The following ZC3H12B variants were observed in gnomAD, a reference collection of about 807,000 sequenced individuals.
The protein encoded by ZC3H12B is zinc finger CCCH-type containing 12B.
A neutral mutation model predicts 43.9 loss-of-function variants in ZC3H12B; 7 were observed. The ratio of observed to expected loss-of-function variants is 0.16; its 90% confidence interval spans 0.09 to 0.30. ZC3H12B has a LOEUF of 0.30. Among genes scored for constraint, ZC3H12B ranks in the 10% least tolerant of loss-of-function variants. ZC3H12B has a pLI of 1.00. For synonymous variants in ZC3H12B, 222 were observed against 241.7 expected, an observed-to-expected ratio of 0.92 and a Z score of 0.76; for missense variants, 475 against 670.2, an observed-to-expected ratio of 0.71 and a Z score of 3.22.
At chrX:65,334,345 C>T in the ZC3H12B span, among the ~76,000 whole-genome samples, 1 of 112,062 alleles carries the variant, frequency 8.9e-6, no homozygotes, top group Non-Finnish European at 1.9e-5. Context: ...CTTGCTGAAA[C>T]CTTCAGCTTT....
At chrX:65,152,656 C>T in the ZC3H12B span, among the ~76,000 whole-genome samples, 7 of 110,978 alleles carry the variant, frequency 6.3e-5, no homozygotes, top group South Asian at 7.7e-4. Flanking sequence ...ATGGCCATAC[C>T]GCTCAAGGTA....
intron 2 of ZC3H12B, among the ~76,000 whole-genome samples, chrX:65,371,224 G>A (rs2066240432): frequency 9.0e-6 from 1 of 111,691 alleles, no homozygotes; most frequent in African/African-American, 3.2e-5. Flanking sequence ...CTTTATCGGA[G>A]GTAGAATTAG....
At chrX:65,323,811 C>G in the ZC3H12B span, among the ~76,000 whole-genome samples, 3 of 112,195 alleles carry the variant, frequency 2.7e-5, no homozygotes, top group African/African-American at 9.7e-5. Flanking sequence ...CTCCCACCAA[C>G]AGTGTAAAAG....
At chrX:65,222,664 A>G in the ZC3H12B span, among the ~76,000 whole-genome samples, 2 of 107,273 alleles carry the variant, frequency 1.9e-5, no homozygotes, top group African/African-American at 6.7e-5. Context: ...ACACTTAGGA[A>G]ATTACATAAC....
chrX:65,197,183 G>A, the ZC3H12B span, among the ~76,000 whole-genome samples: 1 of 111,798 alleles, frequency 8.9e-6, no homozygotes, highest in African/African-American at 3.3e-5. Flanking sequence ...TACAGCGTCC[G>A]CCCTGGCCGG....
the ZC3H12B span, among the ~76,000 whole-genome samples, chrX:65,168,971 T>A: frequency 9.0e-6 from 1 of 111,427 alleles, no homozygotes; most frequent in Non-Finnish European, 1.9e-5. Context: ...TTTGTTGATC[T>A]TTTCAAAAAA....
chrX:65,221,174 A>G, the ZC3H12B span, among the ~76,000 whole-genome samples: 1 of 111,850 alleles, frequency 8.9e-6, no homozygotes, highest in Non-Finnish European at 1.9e-5. Flanking sequence ...GACACAACCT[A>G]TCAAAACCTC....
At chrX:65,181,608 T>A in the ZC3H12B span, among the ~76,000 whole-genome samples, 1 of 111,735 alleles carries the variant, frequency 8.9e-6, no homozygotes, top group South Asian at 3.7e-4. Flanking sequence ...AACAGACACT[T>A]CTCAAAGGAA....
chrX:65,382,629 AG>A (rs1392990584), intron 2 of ZC3H12B, among the ~76,000 whole-genome samples: 1 of 111,585 alleles, frequency 9.0e-6, no homozygotes, highest in Non-Finnish European at 1.9e-5. Context: ...AAGGAAATAA[AG>A]GGTATTCAAT....
At chrX:65,115,260 T>C in the ZC3H12B span, among the ~76,000 whole-genome samples, 1 of 109,582 alleles carries the variant, frequency 9.1e-6, no homozygotes, top group African/African-American at 3.3e-5. Flanking sequence ...TGCCTTTGCA[T>C]CCTCATAGCT....
chrX:65,115,531 T>G, the ZC3H12B span, among the ~76,000 whole-genome samples: 1 of 111,555 alleles, frequency 9.0e-6, no homozygotes, highest in African/African-American at 3.3e-5. Flanking sequence ...TGCAAGTATC[T>G]TTTTCGTATA....
the ZC3H12B span, among the ~76,000 whole-genome samples, chrX:65,309,468 G>A: frequency 8.9e-6 from 1 of 111,908 alleles, no homozygotes; most frequent in Admixed American, 9.5e-5. Flanking sequence ...TCTCTGAATA[G>A]ACCAATAACA....
At chrX:65,242,158 T>C in the ZC3H12B span, among the ~76,000 whole-genome samples, 6 of 111,021 alleles carry the variant, frequency 5.4e-5, no homozygotes, top group African/African-American at 2.0e-4. Flanking sequence ...CACCCTGCTT[T>C]TTTTCATTCT....
chrX:65,251,956 G>C, the ZC3H12B span, among the ~76,000 whole-genome samples: 8 of 111,761 alleles, frequency 7.2e-5, no homozygotes, highest in Non-Finnish European at 1.1e-4. Context: ...GCCCTGGCCA[G>C]AACTTCCAAC....
At chrX:65,280,736 C>T in the ZC3H12B span, among the ~76,000 whole-genome samples, 1 of 111,116 alleles carries the variant, frequency 9.0e-6, no homozygotes, top group Non-Finnish European at 1.9e-5. Flanking sequence ...TTGCTGTACA[C>T]GAACAACAAA....
At chrX:65,053,691 C>G in the ZC3H12B span, among the ~76,000 whole-genome samples, 1 of 111,478 alleles carries the variant, frequency 9.0e-6, no homozygotes, top group Non-Finnish European at 1.9e-5. Flanking sequence ...ACACTGACTT[C>G]CACAATGGTT....
chrX:65,289,437 G>A, the ZC3H12B span, among the ~76,000 whole-genome samples: 5 of 109,211 alleles, frequency 4.6e-5, no homozygotes, highest in African/African-American at 1.0e-4. Flanking sequence ...ACCAAGCCTC[G>A]GTGACATGCA....
the ZC3H12B span, among the ~76,000 whole-genome samples, chrX:65,200,642 G>T: frequency 9.2e-6 from 1 of 108,406 alleles, no homozygotes; most frequent in Non-Finnish European, 1.9e-5. Context: ...CACCATATTG[G>T]CCAGTCTAGT....
chrX:65,264,284 G>C, the ZC3H12B span, among the ~76,000 whole-genome samples: 1 of 111,508 alleles, frequency 9.0e-6, no homozygotes, highest in East Asian at 2.8e-4. Context: ...TGAACAAAAA[G>C]CACTTATACC....
Sources: gnomAD v4.1 joint callset for allele counts (sites outside exome capture counted in the v4.1 genomes callset) on GRCh38, gnomAD v4.1.1 for gene constraint, MANE v1.5 for transcripts, NCBI Gene and HGNC (gene_info 2026-07-23, HGNC 2026-07-21) for gene names.